PTPRM: variants seen among roughly 807,000 people sequenced by gnomAD.
PTPRM encodes protein tyrosine phosphatase receptor type M.
In PTPRM, 47 loss-of-function variants were observed where a neutral mutation model predicts 186.7. The observed-to-expected ratio is 0.25, with a 90% confidence interval of 0.20 to 0.32. PTPRM has a LOEUF of 0.32. PTPRM is among the 10% of genes least tolerant of loss of function. The pLI is 1.00. For synonymous variants in PTPRM, 668 were observed against 674.9 expected (o/e 0.99, Z 0.16); for missense variants, 1,494 against 1,865.0 (o/e 0.80, Z 3.66).
chr18:7,597,015 G>A (rs1351759685), intron 1 of PTPRM, among the ~76,000 whole-genome samples: 1 of 151,892 alleles, frequency 6.6e-6, no homozygotes, highest in Non-Finnish European at 1.5e-5. Context: ...TACCATACCC[G>A]GAAAATGTTT....
At chr18:8,043,833 C>T (rs575576239) in intron 7 of PTPRM, among the ~76,000 whole-genome samples, 3 of 152,016 alleles carry the variant, frequency 2.0e-5, no homozygotes, top group South Asian at 2.1e-4. Context: ...GGGGAGGGGG[C>T]GAGCTGGGTC....
chr18:8,213,796 C>T (rs1444755941), intron 14 of PTPRM, among the ~76,000 whole-genome samples: 1 of 152,158 alleles, frequency 6.6e-6, no homozygotes, highest in Non-Finnish European at 1.5e-5. Context: ...CAAAAAGACA[C>T]CTGCATGCAT....
intron 11 of PTPRM, among the ~76,000 whole-genome samples, chr18:8,093,644 CT>C (rs1488346896): frequency 2.6e-5 from 4 of 152,098 alleles, no homozygotes; most frequent in Non-Finnish European, 2.9e-5. Context: ...GCAAACTCCC[CT>C]GACCCCAAAT....
chr18:7,984,792 C>T (rs61520749), intron 7 of PTPRM, among the ~76,000 whole-genome samples: 55,365 of 125,264 alleles, frequency 0.44, 12,696 homozygotes, highest in African/African-American at 0.51. Flanking sequence ...TATATACACA[C>T]ATATAAATAT....
chr18:8,196,864 C>T (rs1206051723), intron 14 of PTPRM, among the ~76,000 whole-genome samples: 2 of 152,112 alleles, frequency 1.3e-5, no homozygotes, highest in Admixed American at 6.5e-5. Flanking sequence ...TTCAAAATTG[C>T]CTAAAGTGCG....
chr18:8,232,015 T>A (rs1393647249), intron 14 of PTPRM, among the ~76,000 whole-genome samples: 1 of 152,228 alleles, frequency 6.6e-6, no homozygotes, highest in Non-Finnish European at 1.5e-5. Context: ...GCATCCTTCA[T>A]TATAGTATCA....
intron 21 of PTPRM, among the ~76,000 whole-genome samples, chr18:8,315,706 G>GCTT (rs2095304602): frequency 6.6e-6 from 1 of 152,076 alleles, no homozygotes; most frequent in African/African-American, 2.4e-5. Flanking sequence ...GGATTGTTTT[G>GCTT]CTTCTTGATT....
intron 22 of PTPRM, among the ~76,000 whole-genome samples, chr18:8,325,629 G>C (rs1204443999): frequency 6.6e-6 from 1 of 152,132 alleles, no homozygotes; most frequent in East Asian, 1.9e-4. Flanking sequence ...ATGAACACAT[G>C]TATGTATGTA....
chr18:7,834,200 G>T (rs1384272575), intron 2 of PTPRM, among the ~76,000 whole-genome samples: 1 of 151,844 alleles, frequency 6.6e-6, no homozygotes, highest in African/African-American at 2.4e-5. Context: ...TATGGTTTTT[G>T]TCTTTCATTT....
chr18:7,965,756 T>G (rs1032276397), intron 7 of PTPRM, among the ~76,000 whole-genome samples: 4 of 152,210 alleles, frequency 2.6e-5, no homozygotes, highest in Non-Finnish European at 4.4e-5. Flanking sequence ...TATCTTGACC[T>G]CATATGTCCT....
chr18:8,144,526 A>G (rs2092836449), intron 14 of PTPRM, among the ~76,000 whole-genome samples: 1 of 152,092 alleles, frequency 6.6e-6, no homozygotes, highest in East Asian at 1.9e-4. Context: ...TGAGGCTGAG[A>G]TGGGAGGATC....
intron 7 of PTPRM, among the ~76,000 whole-genome samples, chr18:7,976,142 C>T (rs1301069322): frequency 3.3e-5 from 5 of 151,814 alleles, no homozygotes; most frequent in East Asian, 1.9e-4. Flanking sequence ...GCATTCCAGC[C>T]GGGAGACAGA....
At chr18:7,657,500 G>T (rs528265278) in intron 1 of PTPRM, among the ~76,000 whole-genome samples, 122 of 152,160 alleles carry the variant, frequency 8.0e-4, no homozygotes, top group African/African-American at 2.6e-3. Flanking sequence ...CCTTCACCTC[G>T]CTCATCACTA....
chr18:8,237,639 T>A (rs2094362105), intron 14 of PTPRM, among the ~76,000 whole-genome samples: 1 of 151,780 alleles, frequency 6.6e-6, no homozygotes. Context: ...AGAGATGGGG[T>A]TTCACCATGT....
chr18:8,150,173 G>A (rs2092972845), intron 14 of PTPRM, among the ~76,000 whole-genome samples: 1 of 152,092 alleles, frequency 6.6e-6, no homozygotes, highest in Admixed American at 6.6e-5. Context: ...TGTATTTCCT[G>A]AAATTGAATG....
At chr18:7,953,459 G>A (rs1307997550) in intron 6 of PTPRM, among the ~76,000 whole-genome samples, 1 of 152,132 alleles carries the variant, frequency 6.6e-6, no homozygotes, top group Admixed American at 6.6e-5. Flanking sequence ...AGGCAGAGCT[G>A]TTTAAAGAAA....
intron 1 of PTPRM, among the ~76,000 whole-genome samples, chr18:7,688,133 G>A (rs2039649411): frequency 6.6e-6 from 1 of 152,122 alleles, no homozygotes; most frequent in South Asian, 2.1e-4. Flanking sequence ...GGCATACTGA[G>A]CATATGGCAT....
At position 8,087,336 on chromosome 18, in the gene PTPRM, C is replaced by T. The variant is rs563849750; in HGVS notation, c.1754-1413C>T. ...AGATAAGAATTCTGATCAACATGGC[C>T]GTATTAGTCCGTTCTCACACTGCTA... On this transcript the variant is annotated intron_variant, in intron 10 of 32. Coordinates refer to ENST00000580170, the MANE Select transcript of PTPRM (RefSeq NM_001105244.2). Among the ~76,000 whole-genome samples the T allele has an allele frequency of 2.6e-5, 4 of 151,914 alleles. No homozygotes were observed. The East Asian group carries it at 5.8e-4, about 22-fold the overall frequency.
intron 2 of PTPRM, among the ~76,000 whole-genome samples, chr18:7,832,380 A>C (rs1471673733): frequency 6.6e-6 from 1 of 152,176 alleles, no homozygotes; most frequent in Admixed American, 6.5e-5. Context: ...ATGACCAGTG[A>C]TATTGAACAC....
Sources: allele counts gnomAD v4.1 joint callset (sites outside exome capture counted in the v4.1 genomes callset), GRCh38; gene constraint gnomAD v4.1.1; transcripts MANE v1.5; gene names NCBI Gene and HGNC (gene_info 2026-07-23, HGNC 2026-07-21).